FCHO2: variants seen among roughly 807,000 people sequenced by gnomAD.
FCHO2 encodes the protein F-BAR domain only protein 2.
FCHO2 carries 43 observed loss-of-function variants against 114.1 expected under a neutral mutation model. That is an observed-to-expected ratio of 0.38 (90% CI 0.30 to 0.49). The LOEUF (loss-of-function observed/expected upper bound fraction) is 0.49. Ranked by LOEUF, FCHO2 falls within the 20% of genes least tolerant of loss-of-function variation. FCHO2 has a pLI of 0.97. For missense variants in FCHO2, 807 were observed against 950.4 expected (o/e 0.85, Z 1.98); for synonymous variants, 293 against 315.2 (o/e 0.93, Z 0.75).
intron 13 of FCHO2, among the ~76,000 whole-genome samples, chr5:73,053,162 GTTC>G (rs546086601): frequency 3.7e-4 from 57 of 152,170 alleles, no homozygotes; most frequent in South Asian, 3.1e-3. Flanking sequence ...CATTAAGTCT[GTTC>G]TTCTTGATAA....
At chr5:72,979,393 T>TTC (rs1753062319) in intron 2 of FCHO2, among the ~76,000 whole-genome samples, 3 of 121,090 alleles carry the variant, frequency 2.5e-5, no homozygotes, top group East Asian at 2.4e-4. Context: ...TTTTTTTTTT[T>TTC]TTTTTTTTTT....
chr5:72,979,354 A>G (rs184776301), intron 2 of FCHO2, among the ~76,000 whole-genome samples: 933 of 86,982 alleles, frequency 0.011, 10 homozygotes, highest in African/African-American at 0.038. Flanking sequence ...GTGTATGTGT[A>G]TGTGTCCAGG....
At chr5:73,029,126 A>G (rs1328471769) in intron 8 of FCHO2, among the ~76,000 whole-genome samples, 1 of 152,180 alleles carries the variant, frequency 6.6e-6, no homozygotes, top group African/African-American at 2.4e-5. Context: ...ATTAAACTGT[A>G]CAATTTAAGT....
At chr5:73,066,311 T>G (rs1346329525) in intron 18 of FCHO2, among the ~76,000 whole-genome samples, 3 of 152,028 alleles carry the variant, frequency 2.0e-5, no homozygotes, top group Admixed American at 6.6e-5. Context: ...CTCTGTCTTC[T>G]ACACCGTTGT....
At chr5:73,036,001 C>T (rs1415854676) in intron 9 of FCHO2, among the ~76,000 whole-genome samples, 1 of 151,690 alleles carries the variant, frequency 6.6e-6, no homozygotes, top group Non-Finnish European at 1.5e-5. Flanking sequence ...CGCCACTACG[C>T]CCGGCTAATT....
At position 73,071,457 on chromosome 5, in the gene FCHO2, G is replaced by GA. The variant is rs1351368633; in HGVS notation, c.1579+2680dup. 3.9e-5 allele frequency among the ~76,000 whole-genome samples: 6 copies of GA among 152,086 alleles called. No homozygotes were observed. The East Asian group carries it at 1.2e-3, about 29-fold the overall frequency. ...CTGTGTTTTATTTCTGAGCGGAAAG[G>GA]AATTCTACATAAATATCCATTGATT... On this transcript the variant is annotated intron_variant, in intron 19 of 25. Transcript: ENST00000430046.
intron 19 of FCHO2, among the ~76,000 whole-genome samples, chr5:73,072,029 AC>A (rs1742681348): frequency 6.6e-6 from 1 of 151,434 alleles, no homozygotes; most frequent in Admixed American, 6.6e-5. Flanking sequence ...TACTCAAGAG[AC>A]ATTTTTTTTT....
intron 2 of FCHO2, among the ~76,000 whole-genome samples, chr5:72,969,223 G>T (rs552913014): frequency 1.0e-3 from 156 of 152,178 alleles, no homozygotes; most frequent in Non-Finnish European, 1.9e-3. Context: ...ATAATATAGG[G>T]ATACTTTGGC....
At position 73,017,211 on chromosome 5, in the gene FCHO2, G is replaced by T; in HGVS notation, c.700-1G>T. The T allele has an allele frequency of 6.9e-7, 1 of 1,459,314 alleles. No individual in the cohort carries two copies. Among genetic ancestry groups the T allele is most frequent in the South Asian group, 1.4e-5 (1 of 71,198 alleles). 90.4% of individuals were successfully genotyped at this position (1,459,314 alleles called of 1,614,324 possible). On this transcript the variant is annotated splice_acceptor_variant, in intron 7 of 25. Coordinates refer to ENST00000430046, the MANE Select transcript of FCHO2 (RefSeq NM_138782.3). LOFTEE classifies it high-confidence loss of function. ...AAGTTATCTTTATTTCATTTTAATA[G>T]GTCCATGAAGAATTTATAAATAACA...
At chr5:73,059,246 G>A (rs559044077) in intron 17 of FCHO2, among the ~76,000 whole-genome samples, 108 of 152,276 alleles carry the variant, frequency 7.1e-4, no homozygotes, top group Non-Finnish European at 1.4e-3. Context: ...GGTTAAGGAA[G>A]CGCTGGAATC....
At chr5:72,976,618 T>C (rs1227974928) in intron 2 of FCHO2, among the ~76,000 whole-genome samples, 2 of 151,938 alleles carry the variant, frequency 1.3e-5, no homozygotes, top group Non-Finnish European at 2.9e-5. Context: ...GTTCTTACTA[T>C]TTTTTTTAAA....
intron 11 of FCHO2, among the ~76,000 whole-genome samples, chr5:73,048,055 G>A (rs1757146857): frequency 6.7e-6 from 1 of 149,288 alleles, no homozygotes; most frequent in African/African-American, 2.5e-5. Context: ...CTCTACTGCT[G>A]GTCTCGAACT....
intron 19 of FCHO2, among the ~76,000 whole-genome samples, chr5:73,072,354 C>T (rs1309450325): frequency 6.6e-6 from 1 of 151,768 alleles, no homozygotes; most frequent in African/African-American, 2.4e-5. Context: ...GATTGTTCCT[C>T]GGAAAATGAA....
intron 5 of FCHO2, among the ~76,000 whole-genome samples, 196 bp downstream of exon 5, chr5:72,991,060 A>G (rs1234839410): frequency 1.3e-5 from 2 of 152,194 alleles, no homozygotes; most frequent in East Asian, 3.9e-4. Context: ...GTTAGCGAGC[A>G]CTAAAAAACA....
rs942132600 is a variant in FCHO2 at position 73,054,031 on chromosome 5, G to C, written c.1174-129G>C. ...TCATTTGCTTAACTTTTTCCCACCT[G>C]ACAGTGTATGTGTTTTAAGGTGTAT... On this transcript the variant is annotated intron_variant, in intron 13 of 25. Transcript: ENST00000430046. The C allele has an allele frequency of 5.7e-6, 3 of 525,792 alleles. No individual in the cohort carries two copies. Among genetic ancestry groups the C allele is most frequent in the Non-Finnish European group, 9.2e-6 (3 of 327,538 alleles). The allele number at this position is 525,792 out of a possible 1,614,324, so 32.6% of individuals were successfully genotyped here. A position where few individuals can be genotyped will look rare whatever the true frequency, so the allele number is the denominator to read the frequency against.
chr5:73,006,210 A>G (rs958887171), intron 5 of FCHO2, among the ~76,000 whole-genome samples: 4 of 152,136 alleles, frequency 2.6e-5, no homozygotes, highest in African/African-American at 9.7e-5. Flanking sequence ...TAACTTTTCA[A>G]AGCACATTCC....
At chr5:73,054,464 C>T (rs1025152122) in intron 14 of FCHO2, 61 bp from the exon 15 acceptor site, 1 of 1,412,390 alleles carries the variant, frequency 7.1e-7, no homozygotes, top group Middle Eastern at 2.2e-4. Flanking sequence ...TAACATTTTA[C>T]CAAATATTTA....
At chr5:72,962,369 G>C (rs962748047) in intron 1 of FCHO2, among the ~76,000 whole-genome samples, 1 of 152,138 alleles carries the variant, frequency 6.6e-6, no homozygotes, top group Non-Finnish European at 1.5e-5. Context: ...AAGGATGAGG[G>C]AACAGTTATG....
chr5:73,015,045 C>A (rs1291113346), intron 6 of FCHO2, among the ~76,000 whole-genome samples: 2 of 129,522 alleles, frequency 1.5e-5, no homozygotes, highest in Non-Finnish European at 3.1e-5. Context: ...CACTGCACTC[C>A]AGCCTGGGTG....
Sources: gnomAD v4.1 joint callset for allele counts (sites outside exome capture counted in the v4.1 genomes callset) on GRCh38, gnomAD v4.1.1 for gene constraint, MANE v1.5 for transcripts, NCBI Gene and HGNC (gene_info 2026-07-23, HGNC 2026-07-21) for gene names.